The following GNAO1 variants were observed in gnomAD, a reference collection of about 807,000 sequenced individuals.
GNAO1 encodes the protein guanine nucleotide-binding protein G(o) subunit alpha.
For synonymous variants in GNAO1, 164 were observed against 180.7 expected (o/e 0.91, Z 0.74); for missense variants, 166 against 478.7 (o/e 0.35, Z 6.10).
chr16:56,313,556 C>T (rs1434024924), intron 3 of GNAO1, among the ~76,000 whole-genome samples: 1 of 152,116 alleles, frequency 6.6e-6, no homozygotes, highest in African/African-American at 2.4e-5. Context: ...TGCCTTCTCT[C>T]TGTTGTGATG....
chr16:56,197,508 C>G (rs1462210038), intron 2 of GNAO1, among the ~76,000 whole-genome samples: 1 of 152,182 alleles, frequency 6.6e-6, no homozygotes, highest in South Asian at 2.1e-4. Flanking sequence ...ATAGTCCACC[C>G]GATCTCCTCA....
intron 2 of GNAO1, among the ~76,000 whole-genome samples, chr16:56,208,493 A>G (rs2036354106): frequency 6.6e-6 from 1 of 151,874 alleles, no homozygotes; most frequent in Non-Finnish European, 1.5e-5. Flanking sequence ...GGGCACATGC[A>G]TTTGTGAAGG....
At chr16:56,348,794 A>G (rs1205325052) in intron 6 of GNAO1, among the ~76,000 whole-genome samples, 3 of 151,808 alleles carry the variant, frequency 2.0e-5, no homozygotes, top group Admixed American at 6.6e-5. Context: ...TCCCCTCCTC[A>G]CTGCCCTCCC....
intron 6 of GNAO1, among the ~76,000 whole-genome samples, chr16:56,337,075 C>T (rs1226039119): frequency 3.3e-5 from 5 of 152,250 alleles, no homozygotes; most frequent in African/African-American, 1.2e-4. Context: ...TGTGGCAGAG[C>T]CTGTGTATGC....
At chr16:56,245,349 G>C (rs942714907) in intron 2 of GNAO1, among the ~76,000 whole-genome samples, 1 of 152,178 alleles carries the variant, frequency 6.6e-6, no homozygotes, top group Non-Finnish European at 1.5e-5. Context: ...ATTTGATTCA[G>C]CTTGGCTGGG....
At chr16:56,264,581 G>A (rs1369298438) in intron 2 of GNAO1, among the ~76,000 whole-genome samples, 1 of 152,182 alleles carries the variant, frequency 6.6e-6, no homozygotes, top group Non-Finnish European at 1.5e-5. Flanking sequence ...ATTTCTGCAA[G>A]TCATTGTCAA....
At chr16:56,342,745 G>C (rs2037818250) in intron 6 of GNAO1, among the ~76,000 whole-genome samples, 1 of 152,186 alleles carries the variant, frequency 6.6e-6, no homozygotes, top group Non-Finnish European at 1.5e-5. Context: ...CATCGACCAG[G>C]GCTACCTGCA....
At chr16:56,327,272 C>A (rs2037643280) in intron 3 of GNAO1, among the ~76,000 whole-genome samples, 1 of 152,120 alleles carries the variant, frequency 6.6e-6, no homozygotes. Flanking sequence ...CGAGGACCAG[C>A]AGAAACACGG....
intron 2 of GNAO1, among the ~76,000 whole-genome samples, chr16:56,232,932 AG>A (rs2036604506): frequency 6.6e-6 from 1 of 152,164 alleles, no homozygotes; most frequent in East Asian, 1.9e-4. Context: ...CCATTTTGTG[AG>A]TACAATAAAA....
At chr16:56,275,092 A>G (rs1437630114) in intron 2 of GNAO1, among the ~76,000 whole-genome samples, 2 of 152,260 alleles carry the variant, frequency 1.3e-5, no homozygotes, top group African/African-American at 4.8e-5. Flanking sequence ...GACTGAAAAT[A>G]TGACCACAGA....
At chr16:56,298,783 C>T (rs1057376154) in intron 3 of GNAO1, among the ~76,000 whole-genome samples, 3 of 151,762 alleles carry the variant, frequency 2.0e-5, no homozygotes, top group South Asian at 2.1e-4. Flanking sequence ...GGCATGGTGG[C>T]GGGCACCTGT....
intron 3 of GNAO1, among the ~76,000 whole-genome samples, chr16:56,316,235 C>T (rs927707560): frequency 7.9e-5 from 12 of 152,152 alleles, no homozygotes; most frequent in Non-Finnish European, 1.3e-4. Context: ...ACACAGAAAA[C>T]GTGAATGTCC....
rs2037924922 is a variant in GNAO1, at chr16:56,351,861, A to G, written c.877+324A>G. On this transcript the variant is annotated intron_variant, in intron 7 of 8. Transcript: ENST00000262493. This position sits in a 1 kb window ranked among gnomAD's most constrained non-coding sequence, Gnocchi z 6.1. ...GTCACCCTCTAGAAGAGGTCTCAGG[A>G]CAGCCTCCTGTAATCTCAGCAGTGG... 3.6e-6 allele frequency: 1 copy of G among 275,748 alleles called. No homozygotes were observed. Among genetic ancestry groups the G allele is most frequent in the African/African-American group, 2.2e-5 (1 of 45,916 alleles). The allele number at this position is 275,748 out of a possible 1,614,324, so 17.1% of individuals were successfully genotyped here.
chr16:56,211,020 G>A (rs1004689728), intron 2 of GNAO1, among the ~76,000 whole-genome samples: 3 of 152,108 alleles, frequency 2.0e-5, no homozygotes, highest in Non-Finnish European at 4.4e-5. Flanking sequence ...AGATTCTAAG[G>A]CCCAGAGAGG....
At chr16:56,251,874 G>C (rs1224749715) in intron 2 of GNAO1, among the ~76,000 whole-genome samples, 2 of 152,196 alleles carry the variant, frequency 1.3e-5, no homozygotes, top group African/African-American at 4.8e-5. Context: ...GCTGGCTCCA[G>C]AGTGAACTGT....
chr16:56,283,281 A>T (rs2037131510), intron 3 of GNAO1, among the ~76,000 whole-genome samples: 1 of 152,166 alleles, frequency 6.6e-6, no homozygotes, highest in Non-Finnish European at 1.5e-5. Flanking sequence ...CACGACCCTA[A>T]CAGGGGGCTC....
At chr16:56,263,242 C>T (rs781478463) in intron 2 of GNAO1, among the ~76,000 whole-genome samples, 105 of 152,234 alleles carry the variant, frequency 6.9e-4, no homozygotes, top group Non-Finnish European at 1.2e-3. Context: ...CCACTGTTTA[C>T]AGGCTACCCA....
chr16:56,325,492 A>G (rs1376706085), intron 3 of GNAO1, among the ~76,000 whole-genome samples: 1 of 152,186 alleles, frequency 6.6e-6, no homozygotes, highest in Non-Finnish European at 1.5e-5. Flanking sequence ...AATAATAATA[A>G]TAATAATGCA....
At chr16:56,220,589 T>G (rs1377472194) in intron 2 of GNAO1, among the ~76,000 whole-genome samples, 6 of 152,160 alleles carry the variant, frequency 3.9e-5, no homozygotes, top group African/African-American at 1.4e-4. Context: ...AATGTTTGCG[T>G]ATGGGGGTTG....
Sources: gnomAD v4.1 joint callset for allele counts (sites outside exome capture counted in the v4.1 genomes callset) on GRCh38, gnomAD v4.1.1 for gene constraint, Gnocchi (gnomAD v3.1) non-coding constraint, MANE v1.5 for transcripts, NCBI Gene and HGNC (gene_info 2026-07-23, HGNC 2026-07-21) for gene names.